PRKG1: variants seen among roughly 807,000 people sequenced by gnomAD.
PRKG1 encodes protein kinase cGMP-dependent 1, also known as cGMP-dependent protein kinase 1.
A neutral mutation model predicts 88.1 loss-of-function variants in PRKG1; 35 were observed. The observed-to-expected ratio is 0.40, with a 90% CI of 0.30 to 0.53. PRKG1 has a LOEUF of 0.53. Ranked by LOEUF, PRKG1 falls within the 20% of genes least tolerant of loss-of-function variation. The pLI, the probability that PRKG1 is intolerant of heterozygous loss-of-function variation, is 0.59. For synonymous variants in PRKG1, 303 were observed against 292.5 expected, an observed-to-expected ratio of 1.04 and a Z score of -0.37; for missense variants, 540 against 839.8, an observed-to-expected ratio of 0.64 and a Z score of 4.41.
In PRKG1 at chr10:52,216,519, T is replaced by C. The variant is rs147656474; in HGVS notation, c.1077-35051T>C. 7.0e-3 allele frequency among the ~76,000 whole-genome samples: 1,070 copies of C among 152,320 alleles called. 3 individuals are homozygous for C. Among genetic ancestry groups the C allele is most frequent in the Non-Finnish European group, 0.01 (700 of 68,028 alleles). On this transcript the variant is annotated intron_variant, in intron 9 of 17. Coordinates refer to ENST00000373980, the MANE Select transcript of PRKG1 (RefSeq NM_006258.4). ...CATCCAAAATAGAAAAATACCTGTT[T>C]ATTAAAATGGACATTACCTATTTTC...
chr10:51,991,429 G>A lies in PRKG1; in HGVS notation c.763-63055G>A, dbSNP rs116621028. ...AAGTTCTAGGGTACATGTGCACAAC[G>A]TACTGGTTTGTTACATATGTGTACA... On this transcript the variant is annotated intron_variant, in intron 5 of 17. Coordinates refer to ENST00000373980, the MANE Select transcript of PRKG1 (RefSeq NM_006258.4). Among the ~76,000 whole-genome samples the A allele has an allele frequency of 7.4e-3, 1,118 of 151,828 alleles. 18 individuals carry two copies. Among genetic ancestry groups the A allele is most frequent in the African/African-American group, 0.026 (1,060 of 41,396 alleles).
intron 1 of PRKG1, among the ~76,000 whole-genome samples, chr10:51,049,561 G>C (rs2132767237): frequency 6.6e-6 from 1 of 152,280 alleles, no homozygotes; most frequent in Middle Eastern, 3.4e-3. Context: ...TAAGTGCTAA[G>C]TTTTCTAGAT....
chr10:51,614,433 A>C (rs1250872003), intron 3 of PRKG1, among the ~76,000 whole-genome samples: 2 of 151,922 alleles, frequency 1.3e-5, no homozygotes, highest in Non-Finnish European at 2.9e-5. Context: ...TCTTTAAAAA[A>C]AAAAATTAGC....
intron 1 of PRKG1, among the ~76,000 whole-genome samples, chr10:51,152,850 T>C (rs1176827486): frequency 1.3e-5 from 2 of 152,000 alleles, no homozygotes; most frequent in Non-Finnish European, 2.9e-5. Flanking sequence ...TCCATTGGTT[T>C]TCTAGCAATC....
At chr10:51,893,683 G>A (rs1266318245) in intron 4 of PRKG1, among the ~76,000 whole-genome samples, 1 of 152,150 alleles carries the variant, frequency 6.6e-6, no homozygotes, top group Admixed American at 6.6e-5. Flanking sequence ...CTTTAATTGA[G>A]TGCTTACCCT....
chr10:52,144,660 A>G (rs570177896), intron 8 of PRKG1, among the ~76,000 whole-genome samples: 1 of 152,142 alleles, frequency 6.6e-6, no homozygotes, highest in East Asian at 1.9e-4. Flanking sequence ...AAAATACAAA[A>G]ATTAGCCTTA....
chr10:51,771,922 A>G (rs1163704061), intron 3 of PRKG1, among the ~76,000 whole-genome samples: 1 of 152,194 alleles, frequency 6.6e-6, no homozygotes, highest in East Asian at 1.9e-4. Context: ...TCTCTCAAAG[A>G]TGACTTTCCT....
At chr10:51,862,601 A>G (rs956147764) in intron 4 of PRKG1, among the ~76,000 whole-genome samples, 5 of 152,098 alleles carry the variant, frequency 3.3e-5, no homozygotes, top group Admixed American at 6.6e-5. Context: ...TGATTGGTCC[A>G]TGGATGGGCC....
At chr10:51,183,117 T>C (rs528423106) in intron 2 of PRKG1, among the ~76,000 whole-genome samples, 39 of 152,308 alleles carry the variant, frequency 2.6e-4, no homozygotes, top group Middle Eastern at 3.4e-3. Flanking sequence ...GGAAAGGGGC[T>C]TTTTGGTAGA....
chr10:52,005,103 T>C (rs1844697716), intron 5 of PRKG1, among the ~76,000 whole-genome samples: 1 of 152,172 alleles, frequency 6.6e-6, no homozygotes, highest in East Asian at 1.9e-4. Context: ...TCTATAAGGG[T>C]TTGCTTAAGT....
chr10:51,579,321 G>A (rs1370834296), intron 3 of PRKG1, among the ~76,000 whole-genome samples: 2 of 151,868 alleles, frequency 1.3e-5, no homozygotes, highest in Non-Finnish European at 2.9e-5. Context: ...TAATTCTGGG[G>A]GAGTTTTGTG....
intron 3 of PRKG1, among the ~76,000 whole-genome samples, chr10:51,675,243 A>G (rs1170887478): frequency 2.0e-5 from 3 of 152,184 alleles, no homozygotes; most frequent in Non-Finnish European, 4.4e-5. Flanking sequence ...TATTATGACC[A>G]CTATGTCCTA....
chr10:51,159,807 A>C (rs534837389), intron 2 of PRKG1, among the ~76,000 whole-genome samples: 1 of 152,194 alleles, frequency 6.6e-6, no homozygotes, highest in African/African-American at 2.4e-5. Flanking sequence ...GTGTGAAAAC[A>C]TGGTCACATG....
At chr10:51,097,268 G>A (rs1210559507) in intron 1 of PRKG1, among the ~76,000 whole-genome samples, 3 of 152,108 alleles carry the variant, frequency 2.0e-5, no homozygotes, top group Non-Finnish European at 4.4e-5. Context: ...AGCTGGGGCT[G>A]GAATGATGCA....
chr10:52,211,793 G>A (rs1353399813), intron 9 of PRKG1, among the ~76,000 whole-genome samples: 1 of 151,292 alleles, frequency 6.6e-6, no homozygotes, highest in Non-Finnish European at 1.5e-5. Context: ...AGATATGAAT[G>A]CACTTAAATG....
chr10:51,129,846 T>C (rs916862055), intron 1 of PRKG1, among the ~76,000 whole-genome samples: 4 of 152,148 alleles, frequency 2.6e-5, no homozygotes, highest in Non-Finnish European at 5.9e-5. Context: ...CCTCACTCCA[T>C]AGGGCCCTGG....
intron 4 of PRKG1, among the ~76,000 whole-genome samples, chr10:51,856,537 CT>C (rs112311326): frequency 6.6e-6 from 1 of 151,796 alleles, no homozygotes; most frequent in East Asian, 1.9e-4. Context: ...TAACTTAAAC[CT>C]TTTTTTTGCC....
chr10:51,907,627 TTC>T, intron 5 of PRKG1, 57 bp downstream of exon 5: 1 of 1,457,920 alleles, frequency 6.9e-7, no homozygotes. Flanking sequence ...CTTGGCTGGC[TTC>T]TTTCACAGCT....
chr10:51,680,969 A>G (rs946078931), intron 3 of PRKG1, among the ~76,000 whole-genome samples: 2 of 152,170 alleles, frequency 1.3e-5, no homozygotes, highest in Non-Finnish European at 2.9e-5. Flanking sequence ...GATCTATTAA[A>G]AACGAGGTGC....
Sources: gnomAD v4.1 joint callset for allele counts (sites outside exome capture counted in the v4.1 genomes callset) on GRCh38, gnomAD v4.1.1 for gene constraint, MANE v1.5 for transcripts, NCBI Gene and HGNC (gene_info 2026-07-23, HGNC 2026-07-21) for gene names.